Variants in ZNF273 observed in about 807,000 individuals in gnomAD.
The protein encoded by ZNF273 is zinc finger protein 9.
ZNF273 carries 11 observed loss-of-function variants against 14.9 expected under a neutral mutation model. That is an observed-to-expected ratio of 0.74 (90% CI 0.46 to 1.22). The LOEUF is 1.22. Ranked by LOEUF, ZNF273 falls within the 50% of genes most tolerant of loss-of-function variation. ZNF273 has a pLI of 0.00. For synonymous variants in ZNF273, 199 were observed against 223.9 expected, an observed-to-expected ratio of 0.89 and a Z score of 0.99; for missense variants, 577 against 660.6, an observed-to-expected ratio of 0.87 and a Z score of 1.39.
At chr7:64,907,734 G>A (rs9638403) in intron 1 of ZNF273, among the ~76,000 whole-genome samples, 47,670 of 151,994 alleles carry the variant, frequency 0.31, 8,496 homozygotes, top group Non-Finnish European at 0.38. Context: ...TATCACAGAA[G>A]CCTGGCCTGG....
At chr7:64,915,513 G>A (rs1583995909) in intron 1 of ZNF273, among the ~76,000 whole-genome samples, 3 of 152,218 alleles carry the variant, frequency 2.0e-5, no homozygotes, top group Admixed American at 6.5e-5. Flanking sequence ...GGGATGGGTT[G>A]GGCTACTTAT....
downstream of ZNF273, among the ~76,000 whole-genome samples, chr7:64,881,958 T>C (rs760701257): frequency 6.6e-6 from 1 of 152,158 alleles, no homozygotes; most frequent in Non-Finnish European, 1.5e-5. Flanking sequence ...CACTCTCTGA[T>C]CCTCACGTGC....
At chr7:64,920,456 A>T (rs1794346009) in intron 3 of ZNF273, among the ~76,000 whole-genome samples, 1 of 152,122 alleles carries the variant, frequency 6.6e-6, no homozygotes, top group South Asian at 2.1e-4. Flanking sequence ...TGCTTCAGGG[A>T]CCATAGTAAA....
At chr7:64,925,154 G>A (rs190030794) in intron 3 of ZNF273, among the ~76,000 whole-genome samples, 48 of 151,992 alleles carry the variant, frequency 3.2e-4, no homozygotes, top group African/African-American at 7.2e-4. Context: ...TCTCTTGATC[G>A]GAAAGTTAAT....
chr7:64,920,274 G>A (rs1014485075), intron 3 of ZNF273, among the ~76,000 whole-genome samples: 4 of 152,132 alleles, frequency 2.6e-5, no homozygotes, highest in African/African-American at 9.7e-5. Flanking sequence ...GCAGACACCA[G>A]GGCAGGTTTT....
At position 64,928,501 on chromosome 7, in the gene ZNF273, A is replaced by G; in HGVS notation, c.1173A>G (p.Arg391=). 1 of 1,613,918 alleles carries G rather than the reference A, an allele frequency of 6.2e-7. No individual in the cohort carries two copies. Among genetic ancestry groups the G allele is most frequent in the Non-Finnish European group, 8.5e-7 (1 of 1,179,916 alleles). ...TTAACCAGTCCTCAACCCTTACTAG[A>G]CATAAGATAGTTCATACTGGAGAGA... ...KAFNQSSTLT[R]HKIVHTGEKP... Residue 391 remains arginine (R), a synonymous_variant, in exon 4 of 4, where the codon AGA becomes AGG. Transcript: ENST00000476120.
upstream of ZNF273, among the ~76,000 whole-genome samples, chr7:64,902,909 A>G (rs377508456): frequency 4.1e-3 from 618 of 152,322 alleles, 7 homozygotes; most frequent in African/African-American, 0.014. Context: ...GTTTGCCCTA[A>G]GCAGTTCCCA....
At chr7:64,912,825 A>AGTTTTTTGTTGTTGTTGTT (rs138740277) in intron 1 of ZNF273, among the ~76,000 whole-genome samples, 13 of 16,850 alleles carry the variant, frequency 7.7e-4, no homozygotes, top group South Asian at 0.012. Context: ...GATTCATTTT[A>AGTTTTTTGTTGTTGTTGTT]GTTTTTTTTT....
At chr7:64,909,761 C>A (rs1250784333) in intron 1 of ZNF273, among the ~76,000 whole-genome samples, 1 of 151,860 alleles carries the variant, frequency 6.6e-6, no homozygotes, top group Admixed American at 6.6e-5. Flanking sequence ...ACTGCTTTCA[C>A]AGTGGTTGAA....
At chr7:64,910,779 T>C (rs1405018092) in intron 1 of ZNF273, among the ~76,000 whole-genome samples, 13 of 151,562 alleles carry the variant, frequency 8.6e-5, no homozygotes, top group Non-Finnish European at 1.8e-4. Context: ...TTTTTTTTTT[T>C]TTTGAGACGA....
intron 1 of ZNF273, among the ~76,000 whole-genome samples, chr7:64,885,103 G>A (rs1188611493): frequency 6.6e-6 from 1 of 152,230 alleles, no homozygotes; most frequent in African/African-American, 2.4e-5. Context: ...TCTCCCTCTT[G>A]GTGGACCAGG....
At chr7:64,933,005 CTT>C (rs896507776), downstream of ZNF273, among the ~76,000 whole-genome samples, 1 of 152,040 alleles carries the variant, frequency 6.6e-6, no homozygotes, top group Non-Finnish European at 1.5e-5. Flanking sequence ...CAGTCTCACT[CTT>C]GTCACCCAAG....
At chr7:64,924,567 A>C (rs1794684286) in intron 3 of ZNF273, 1 of 152,054 alleles carries the variant, frequency 6.6e-6, no homozygotes, top group African/African-American at 2.4e-5. Context: ...GTTTCTCATG[A>C]ATCTATTATT....
chr7:64,920,936 T>C (rs1239446519), intron 3 of ZNF273, among the ~76,000 whole-genome samples: 1 of 152,200 alleles, frequency 6.6e-6, no homozygotes, highest in African/African-American at 2.4e-5. Flanking sequence ...CAAATTTTCT[T>C]GTTGTGAGGG....
At chr7:64,925,563 G>A (rs1013619824) in intron 3 of ZNF273, among the ~76,000 whole-genome samples, 1 of 151,634 alleles carries the variant, frequency 6.6e-6, no homozygotes, top group Admixed American at 6.6e-5. Context: ...TCAGCCTCCT[G>A]AGTAGCTGGG....
chr7:64,929,549 TG>T lies in ZNF273; in HGVS notation c.*512del. The stretch of plus-strand genomic sequence containing the variant: ...GAGGAATTACACTAAAATATATTTT[TG>T]CAAATGCAGCAGTAAATATGAAAGA... On this transcript the variant is annotated 3_prime_UTR_variant, in exon 4 of 4. Coordinates refer to ENST00000476120, the MANE Select transcript of ZNF273 (RefSeq NM_021148.3). The T allele has an allele frequency of 6.6e-6, 1 of 152,408 alleles. No individual in the cohort carries two copies. The highest frequency in any genetic ancestry group is 2.1e-4 in the South Asian group (1 of 4,836). The allele number at this position is 152,408 out of a possible 1,614,324, so 9.4% of individuals were successfully genotyped here.
At chr7:64,894,871 C>T (rs2030812) in intron 3 of ZNF273, among the ~76,000 whole-genome samples, 150,122 of 152,226 alleles carry the variant, frequency 0.99, 74,061 homozygotes, top group East Asian at 1. Flanking sequence ...GGCTCATGCT[C>T]GTAATCCCAG....
At chr7:64,916,265 C>CA (rs1443552941) in intron 1 of ZNF273, among the ~76,000 whole-genome samples, 1 of 151,340 alleles carries the variant, frequency 6.6e-6, no homozygotes, top group Non-Finnish European at 1.5e-5. Flanking sequence ...ATAAGATAGG[C>CA]ACGTCGCTCA....
chr7:64,895,681 C>CTGTA (rs957129276), intron 3 of ZNF273, among the ~76,000 whole-genome samples: 1 of 152,172 alleles, frequency 6.6e-6, no homozygotes, highest in Non-Finnish European at 1.5e-5. Context: ...AAATATTGAA[C>CTGTA]TGTAACGTGT....
Sources: gnomAD v4.1 joint callset for allele counts (sites outside exome capture counted in the v4.1 genomes callset) on GRCh38, gnomAD v4.1.1 for gene constraint, MANE v1.5 for transcripts, NCBI Gene and HGNC (gene_info 2026-07-23, HGNC 2026-07-21) for gene names.